The following EYS variants were observed in gnomAD, a reference collection of about 807,000 sequenced individuals.
The protein encoded by EYS is protein eyes shut homolog.
A neutral mutation model predicts 282.1 loss-of-function variants in EYS; 250 were observed. That is an observed-to-expected ratio of 0.89 (90% CI 0.80 to 0.98). The LOEUF (loss-of-function observed/expected upper bound fraction) is 0.98. Among genes scored for constraint, EYS ranks in the 50% least tolerant of loss-of-function variants. EYS has a pLI of 0.00. For missense variants in EYS, 4,016 were observed against 3,709.0 expected, an observed-to-expected ratio of 1.08 and a Z score of -2.15; for synonymous variants, 1,355 against 1,282.9, an observed-to-expected ratio of 1.06 and a Z score of -1.20.
chr6:64,551,766 GA>G (rs1015692638), intron 26 of EYS, among the ~76,000 whole-genome samples: 7 of 152,068 alleles, frequency 4.6e-5, no homozygotes, highest in African/African-American at 1.2e-4. Context: ...TTCCTTTATA[GA>G]AAAAATTTTC....
intron 12 of EYS, among the ~76,000 whole-genome samples, chr6:65,072,996 G>A (rs1028186138): frequency 6.6e-6 from 1 of 150,978 alleles, no homozygotes; most frequent in Non-Finnish European, 1.5e-5. Context: ...AACATTATAC[G>A]ACATTATATA....
chr6:63,943,184 G>T (rs936359496), intron 35 of EYS, among the ~76,000 whole-genome samples: 5 of 152,172 alleles, frequency 3.3e-5, no homozygotes, highest in Non-Finnish European at 7.3e-5. Context: ...AGAACCAAAA[G>T]TCTGGATGTA....
chr6:64,575,072 G>C (rs1765837307), intron 26 of EYS, among the ~76,000 whole-genome samples: 2 of 152,026 alleles, frequency 1.3e-5, no homozygotes, highest in African/African-American at 4.8e-5. Flanking sequence ...AAACTACTTA[G>C]GGAAACTTCA....
At chr6:63,864,694 A>G (rs796298543) in intron 35 of EYS, among the ~76,000 whole-genome samples, 69 of 152,292 alleles carry the variant, frequency 4.5e-4, no homozygotes, top group African/African-American at 1.6e-3. Flanking sequence ...GCCTTAATAA[A>G]GTGCATCAAA....
chr6:64,958,447 G>T lies in EYS; in HGVS notation c.2260-12533C>A, dbSNP rs547614267. On this transcript the variant is annotated intron_variant, in intron 14 of 42. Transcript: ENST00000503581. The stretch of plus-strand genomic sequence containing the variant: ...TGAATCTAAACCTCACTTTCACAGA[G>T]ATTAAGAAACAATCTTCAGGCCGGG... Among the ~76,000 whole-genome samples the T allele has an allele frequency of 1.4e-3, 212 of 152,020 alleles. 1 individual carries two copies. Among genetic ancestry groups the T allele is most frequent in the African/African-American group, 4.9e-3 (205 of 41,510 alleles).
chr6:64,303,622 C>A (rs7758228), intron 30 of EYS, among the ~76,000 whole-genome samples: 114,025 of 151,360 alleles, frequency 0.75, 43,575 homozygotes, highest in African/African-American at 0.9. Flanking sequence ...ACGGGCGGAT[C>A]ACGAGGTCAG....
At chr6:63,950,678 ACCTACGACCTCTGGT>A (rs1249546947) in intron 35 of EYS, among the ~76,000 whole-genome samples, 1 of 152,124 alleles carries the variant, frequency 6.6e-6, no homozygotes, top group Non-Finnish European at 1.5e-5. Flanking sequence ...AGAAAGATCC[ACCTACGACCTCTGGT>A]CCTCAGACCA....
In EYS at chr6:64,130,502, A is replaced by G. The variant is rs1582314174; in HGVS notation, c.6425-48500T>C. On this transcript the variant is annotated intron_variant, in intron 31 of 42. Transcript: ENST00000503581. ...TTGTGGGGTGCAGGGGGGAGGGATA[A>G]CATTAGAAGATATACCTAATGTTAA... 3.3e-5 allele frequency among the ~76,000 whole-genome samples: 5 copies of G among 152,082 alleles called. No homozygotes were observed. The East Asian group carries it at 7.7e-4, about 23-fold the overall frequency.
intron 11 of EYS, chr6:65,332,252 T>A (rs1368384440): frequency 1.6e-6 from 1 of 643,144 alleles, no homozygotes; most frequent in African/African-American, 1.8e-5. Context: ...TACATTATCA[T>A]GCATTTTCTT....
chr6:65,631,556 T>C (rs1766912860), intron 2 of EYS, among the ~76,000 whole-genome samples: 1 of 152,060 alleles, frequency 6.6e-6, no homozygotes, highest in Admixed American at 6.6e-5. Flanking sequence ...TCTAGTCTGA[T>C]CTCTGTTTCT....
chr6:65,599,074 T>C (rs1765521603), intron 2 of EYS, among the ~76,000 whole-genome samples: 2 of 152,006 alleles, frequency 1.3e-5, no homozygotes, highest in Non-Finnish European at 2.9e-5. Flanking sequence ...CATACTCAAG[T>C]CCCGCAGTCA....
At chr6:63,882,081 A>G (rs371229082) in intron 35 of EYS, among the ~76,000 whole-genome samples, 4 of 152,306 alleles carry the variant, frequency 2.6e-5, no homozygotes, top group South Asian at 4.1e-4. Context: ...GCTACTTTCA[A>G]CCTCTAATAT....
intron 12 of EYS, among the ~76,000 whole-genome samples, chr6:65,191,905 T>C (rs1765650535): frequency 6.6e-6 from 1 of 151,752 alleles, no homozygotes; most frequent in Non-Finnish European, 1.5e-5. Context: ...TTTGGTCTAT[T>C]TTCAGTGGTT....
At chr6:64,404,397 G>A (rs1773638811) in intron 28 of EYS, among the ~76,000 whole-genome samples, 1 of 142,096 alleles carries the variant, frequency 7.0e-6, no homozygotes, top group African/African-American at 2.9e-5. Context: ...GTGTGTGTGT[G>A]TGTGTGTGTG....
At chr6:64,725,748 AT>A (rs1389928069) in intron 22 of EYS, among the ~76,000 whole-genome samples, 1 of 151,890 alleles carries the variant, frequency 6.6e-6, no homozygotes, top group Non-Finnish European at 1.5e-5. Flanking sequence ...CTCAACGTTC[AT>A]TTTATATCCA....
intron 21 of EYS, among the ~76,000 whole-genome samples, chr6:64,814,557 T>C (rs1178138573): frequency 6.6e-6 from 1 of 152,064 alleles, no homozygotes; most frequent in Non-Finnish European, 1.5e-5. Flanking sequence ...TCATACCATA[T>C]GCTTTTAAGT....
intron 24 of EYS, among the ~76,000 whole-genome samples, chr6:64,614,824 G>T (rs985779195): frequency 6.6e-6 from 1 of 152,052 alleles, no homozygotes; most frequent in African/African-American, 2.4e-5. Flanking sequence ...AAGGGTTGTA[G>T]GGATGTTCAA....
chr6:64,972,452 C>A (rs1041383879), intron 14 of EYS, among the ~76,000 whole-genome samples: 8 of 152,000 alleles, frequency 5.3e-5, no homozygotes, highest in Admixed American at 5.3e-4. Context: ...TCCACCTCTG[C>A]GACTCCTGAG....
chr6:64,929,450 TG>T (rs1451241123), intron 15 of EYS, among the ~76,000 whole-genome samples: 3 of 152,184 alleles, frequency 2.0e-5, no homozygotes, highest in African/African-American at 7.2e-5. Context: ...TCAAATAATA[TG>T]CCACTTCCTG....
Sources: gnomAD v4.1 joint callset for allele counts (sites outside exome capture counted in the v4.1 genomes callset) on GRCh38, gnomAD v4.1.1 for gene constraint, MANE v1.5 for transcripts, NCBI Gene and HGNC (gene_info 2026-07-23, HGNC 2026-07-21) for gene names.